NDST3: variants seen among roughly 807,000 people sequenced by gnomAD.
NDST3 encodes bifunctional heparan sulfate N-deacetylase/N-sulfotransferase 3.
NDST3 carries 58 observed loss-of-function variants against 96.1 expected under a neutral mutation model. That is an observed-to-expected ratio of 0.60 (90% CI 0.49 to 0.75). NDST3 has a LOEUF of 0.75. NDST3 is among the 30% of genes least tolerant of loss of function. The pLI is 0.00. For missense variants in NDST3, 788 were observed against 1,034.2 expected (o/e 0.76, Z 3.27); for synonymous variants, 333 against 359.7 (o/e 0.93, Z 0.84).
chr4:118,195,463 T>C (rs1737616490), intron 6 of NDST3, among the ~76,000 whole-genome samples: 1 of 152,242 alleles, frequency 6.6e-6, no homozygotes, highest in Admixed American at 6.5e-5. Flanking sequence ...GCTTCTTCTT[T>C]GCCTTCTGCC....
chr4:118,232,408 T>C (rs765588776), intron 8 of NDST3, among the ~76,000 whole-genome samples: 7 of 152,010 alleles, frequency 4.6e-5, no homozygotes, highest in Non-Finnish European at 8.8e-5. Context: ...GGTGGAAGGA[T>C]TGCATGAGCT....
Position 118,054,627 on chromosome 4 carries a change from G to C in NDST3, c.717G>C (p.Lys239Asn). ...AYQPVIFAKV[K>N]TPENLSPSIS... ...AACCAGTAATATTTGCCAAAGTAAA[G>C]ACCCCAGAAAACCTTTCTCCTTCCA... Residue 239 changes from lysine to asparagine, a missense_variant, in exon 2 of 14, where the codon AAG becomes AAC. This residue lies in a region of NDST3 where 490 missense variants were observed against 708.8 expected (regional missense o/e 0.69). Transcript: ENST00000296499. 1 of 1,613,170 alleles carries C rather than the reference G, an allele frequency of 6.2e-7. No individual in the cohort carries two copies. Among genetic ancestry groups the C allele is most frequent in the Admixed American group, 1.7e-5 (1 of 59,856 alleles).
chr4:118,215,293 C>T (rs1313947101), intron 6 of NDST3, among the ~76,000 whole-genome samples: 9 of 152,000 alleles, frequency 5.9e-5, no homozygotes, highest in Admixed American at 5.9e-4. Flanking sequence ...TAGGAGAAAA[C>T]AGTGTCAAAA....
intron 6 of NDST3, among the ~76,000 whole-genome samples, chr4:118,207,707 A>G (rs890774705): frequency 6.9e-6 from 1 of 145,128 alleles, no homozygotes; most frequent in Non-Finnish European, 1.5e-5. Context: ...TTTCTTATTC[A>G]GCAGGAAATA....
intron 6 of NDST3, among the ~76,000 whole-genome samples, chr4:118,153,705 T>C (rs545590582): frequency 6.6e-6 from 1 of 152,190 alleles, no homozygotes; most frequent in East Asian, 1.9e-4. Flanking sequence ...ATGCCTGTAA[T>C]CCCAGCTACT....
At chr4:118,036,943 G>A (rs1323698748) in intron 1 of NDST3, among the ~76,000 whole-genome samples, 1 of 152,086 alleles carries the variant, frequency 6.6e-6, no homozygotes, top group East Asian at 1.9e-4. Context: ...AAACCTTTAA[G>A]CATCTCAATT....
At position 118,116,662 on chromosome 4, in the gene NDST3, C is replaced by T. The variant is rs1578668470; in HGVS notation, c.1224+1702C>T. Among the ~76,000 whole-genome samples the T allele has an allele frequency of 2.0e-5, 3 of 152,156 alleles. No homozygotes were observed. In the South Asian group the frequency reaches 6.2e-4, roughly 32 times the overall value. ...CACGAGGTCAGGAGATCGAGACCAT[C>T]CTGGCTAACATGGTGAAACCCTGTC... On this transcript the variant is annotated intron_variant, in intron 4 of 13. Coordinates refer to ENST00000296499, the MANE Select transcript of NDST3 (RefSeq NM_004784.3).
chr4:118,250,225 G>A (rs1741600610), intron 12 of NDST3, among the ~76,000 whole-genome samples: 1 of 152,082 alleles, frequency 6.6e-6, no homozygotes, highest in South Asian at 2.1e-4. Context: ...GGGGTTGGTG[G>A]GTCATATAGT....
chr4:118,118,080 A>G (rs992623917), intron 4 of NDST3, among the ~76,000 whole-genome samples: 2 of 152,240 alleles, frequency 1.3e-5, no homozygotes, highest in Non-Finnish European at 2.9e-5. Flanking sequence ...GTGTAGTTAC[A>G]GAATCCACTT....
intron 2 of NDST3, among the ~76,000 whole-genome samples, chr4:118,089,615 G>C (rs918433085): frequency 6.6e-6 from 1 of 151,918 alleles, no homozygotes; most frequent in African/African-American, 2.4e-5. Context: ...TCAGATATTG[G>C]TTAATTATTT....
intron 3 of NDST3, among the ~76,000 whole-genome samples, chr4:118,109,484 T>C (rs1046747590): frequency 1.3e-5 from 2 of 152,206 alleles, no homozygotes; most frequent in African/African-American, 2.4e-5. Flanking sequence ...GCAAGGTTTG[T>C]CCTCTTTCTT....
chr4:118,248,393 T>C (rs536722732), intron 12 of NDST3, among the ~76,000 whole-genome samples: 1 of 152,218 alleles, frequency 6.6e-6, no homozygotes, highest in South Asian at 2.1e-4. Flanking sequence ...GGTTGAATCA[T>C]TGGAGAATCT....
intron 6 of NDST3, among the ~76,000 whole-genome samples, chr4:118,163,332 C>T (rs1376768543): frequency 2.0e-5 from 3 of 152,130 alleles, no homozygotes; most frequent in Non-Finnish European, 2.9e-5. Context: ...TTCACAATAG[C>T]AAAGACTTGG....
At chr4:118,165,309 C>A (rs552338963) in intron 6 of NDST3, among the ~76,000 whole-genome samples, 27 of 151,202 alleles carry the variant, frequency 1.8e-4, no homozygotes, top group African/African-American at 6.5e-4. Context: ...ACTTTAAGTC[C>A]AAAACTGTCA....
chr4:118,156,912 G>T (rs1377433783), intron 6 of NDST3, among the ~76,000 whole-genome samples: 2 of 152,256 alleles, frequency 1.3e-5, no homozygotes, highest in East Asian at 3.9e-4. Context: ...CATAGCACTT[G>T]CTCTTTGCTG....
At chr4:118,088,492 G>A (rs374713228) in intron 2 of NDST3, among the ~76,000 whole-genome samples, 13 of 151,924 alleles carry the variant, frequency 8.6e-5, no homozygotes, top group Admixed American at 4.6e-4. Flanking sequence ...AGGTAATATC[G>A]GCTGCACATT....
intron 4 of NDST3, among the ~76,000 whole-genome samples, chr4:118,125,163 T>A (rs1468543854): frequency 1.3e-5 from 2 of 152,072 alleles, no homozygotes; most frequent in Non-Finnish European, 2.9e-5. Flanking sequence ...CTAACCTTCA[T>A]CCTGAGTCAT....
chr4:118,036,104 T>C (rs1724133701), intron 1 of NDST3, among the ~76,000 whole-genome samples: 1 of 152,096 alleles, frequency 6.6e-6, no homozygotes, highest in Admixed American at 6.5e-5. Flanking sequence ...AAACCATATA[T>C]TCTGCTAAAG....
chr4:118,225,025 AT>A (rs1429081772), intron 7 of NDST3, among the ~76,000 whole-genome samples: 9 of 152,154 alleles, frequency 5.9e-5, no homozygotes, highest in Non-Finnish European at 1.3e-4. Context: ...CTTTGAACAC[AT>A]CCCCATATCT....
Sources: gnomAD v4.1 joint callset for allele counts (sites outside exome capture counted in the v4.1 genomes callset) on GRCh38, gnomAD v4.1.1 for gene constraint, gnomAD v4.1.1 regional missense constraint, MANE v1.5 for transcripts, NCBI Gene and HGNC (gene_info 2026-07-23, HGNC 2026-07-21) for gene names.